CDC20B: variants seen among roughly 807,000 people sequenced by gnomAD.
The protein encoded by CDC20B is cell division cycle protein 20 homolog B.
A neutral mutation model predicts 64.1 loss-of-function variants in CDC20B; 58 were observed. The observed-to-expected ratio is 0.90, with a 90% CI of 0.73 to 1.13. CDC20B has a LOEUF of 1.13. Ranked by LOEUF, CDC20B falls within the 50% of genes most tolerant of loss-of-function variation. The probability of loss-of-function intolerance (pLI) is 0.00; values close to 1 mark genes in which losing one functional copy is unlikely to be tolerated. For missense variants in CDC20B, 597 were observed against 633.0 expected (o/e 0.94, Z 0.61); for synonymous variants, 243 against 230.6 (o/e 1.05, Z -0.49).
rs546572830 is a variant in CDC20B, at chr5:55,161,639, A to G, written c.126+10949T>C. On this transcript the variant is annotated intron_variant, in intron 2 of 11. Transcript: ENST00000381375. Reference sequence around the variant, plus strand: ...GCTCTCATGAATAGTGCTGGGCATTATTAGTTAACATATGTTTGTGGCTAA... The same window carrying G: ...GCTCTCATGAATAGTGCTGGGCATTGTTAGTTAACATATGTTTGTGGCTAA... 1.7e-4 allele frequency among the ~76,000 whole-genome samples: 26 copies of G among 152,352 alleles called. No individual in the cohort carries two copies. In the East Asian group the frequency reaches 4.8e-3, roughly 28 times the overall value.
chr5:55,171,180 G>A (rs1224957478), intron 2 of CDC20B, among the ~76,000 whole-genome samples: 3 of 152,136 alleles, frequency 2.0e-5, no homozygotes, highest in Non-Finnish European at 4.4e-5. Flanking sequence ...CCAGCGTGGT[G>A]GTGCTGCCTG....
Position 55,119,852 on chromosome 5 carries a change from C to G in CDC20B, c.1408G>C (p.Asp470His), listed in dbSNP as rs1389341631. The G allele has an allele frequency of 2.5e-6, 4 of 1,613,922 alleles. No individual in the cohort carries two copies. In the Admixed American group the frequency reaches 6.7e-5, roughly 27 times the overall value. ...GTGGGACAGGTCCACACAGTCACAT[C>G]ATTCTTGGGAGTACCTTGACCAGTT... ...IATGQGTPKNDVTVWTCPTVS... is the reference protein window; with the variant it reads ...IATGQGTPKNHVTVWTCPTVS... The change falls in exon 11 of 12, where the codon GAT becomes CAT. Residue 470 changes from aspartate (D) to histidine (H), a missense_variant. Transcript: ENST00000381375.
intron 7 of CDC20B, among the ~76,000 whole-genome samples, chr5:55,128,051 A>G (rs1742937736): frequency 6.6e-6 from 1 of 152,190 alleles, no homozygotes; most frequent in Admixed American, 6.5e-5. Flanking sequence ...TCAGAAAAAA[A>G]AATTCACTCA....
chr5:55,166,479 G>C (rs1430621564), intron 2 of CDC20B: 1 of 152,206 alleles, frequency 6.6e-6, no homozygotes, highest in Non-Finnish European at 1.5e-5. Context: ...TGCCTTGAAA[G>C]AAAGGACATT....
Position 55,143,614 on chromosome 5 carries a change from T to C in CDC20B, c.385A>G (p.Ser129Gly), listed in dbSNP as rs1162634769. 6.2e-7 allele frequency: 1 copy of C among 1,607,508 alleles called. No homozygotes were observed. The highest frequency in any genetic ancestry group is 2.2e-5 in the East Asian group (1 of 44,750). ...TTACTTGTTTCAGAAATTCCTTTGC[T>C]GGGGGTCTTCAGTTGTTCTTTGCGG... The part of the protein sequence containing the change: ...GSRKEQLKTP[S>G]KGISETSNSA... The change falls in exon 4 of 12, where the codon AGC becomes GGC. Residue 129 changes from serine (S) to glycine (G), a missense_variant. By Grantham distance (56) the Ser-to-Gly change is moderately conservative (BLOSUM62 0). Coordinates refer to ENST00000381375, the MANE Select transcript of CDC20B (RefSeq NM_001170402.1).
In CDC20B at chr5:55,114,025, A is replaced by T; in HGVS notation, c.*193T>A. ...GAGGGGCAGAAAGAAGAAAGCAGAG[A>T]AGAAAAGAAGCGGATCTCTGGGAAG... On this transcript the variant is annotated 3_prime_UTR_variant, in exon 12 of 12. Coordinates refer to ENST00000381375, the MANE Select transcript of CDC20B (RefSeq NM_001170402.1). The surrounding 1 kb of genome is among the most constrained non-coding windows in gnomAD (Gnocchi z 4.1). The T allele has an allele frequency of 2.0e-6, 2 of 984,364 alleles. No homozygotes were observed. The highest frequency in any genetic ancestry group is 2.8e-6 in the Non-Finnish European group (2 of 708,802). The allele number at this position is 984,364 out of a possible 1,614,324, so 61.0% of individuals were successfully genotyped here.
chr5:55,153,033 G>A (rs1002751239), intron 2 of CDC20B, among the ~76,000 whole-genome samples: 3 of 152,022 alleles, frequency 2.0e-5, no homozygotes, highest in Admixed American at 2.0e-4. Context: ...GAGCTCAGGA[G>A]TTCAAGACCA....
intron 5 of CDC20B, 30 bp from the exon 6 acceptor site, chr5:55,133,558 C>A (rs773515483): frequency 2.5e-5 from 23 of 916,028 alleles, no homozygotes; most frequent in Non-Finnish European, 3.1e-5. Flanking sequence ...CTACACAGCT[C>A]TAAGATCCTG....
intron 5 of CDC20B, among the ~76,000 whole-genome samples, chr5:55,135,217 A>T (rs1449103762): frequency 6.6e-6 from 1 of 151,260 alleles, no homozygotes; most frequent in East Asian, 1.9e-4. Context: ...AATAAAGTGT[A>T]TGTGTGTGTG....
intron 2 of CDC20B, chr5:55,163,917 T>G: frequency 3.6e-6 from 2 of 548,810 alleles, no homozygotes; most frequent in Non-Finnish European, 5.9e-6. Context: ...TTTCACTTCG[T>G]TTGGGTGTTT....
intron 2 of CDC20B, chr5:55,164,025 G>C: frequency 1.4e-6 from 2 of 1,470,844 alleles, no homozygotes; most frequent in African/African-American, 1.4e-5. Context: ...ATAAAATTAT[G>C]CTCATGAAAA....
At chr5:55,125,102 T>A in intron 8 of CDC20B, 74 bp from the exon 9 acceptor site, 1 of 1,273,672 alleles carries the variant, frequency 7.9e-7, no homozygotes, top group South Asian at 1.3e-5. Flanking sequence ...GAAAGCATAG[T>A]TCAAAGTAAA....
chr5:55,155,613 T>C lies in CDC20B; in HGVS notation c.127-8757A>G, dbSNP rs186432082. Among the ~76,000 whole-genome samples, 580 of 152,312 alleles carry C rather than the reference T, an allele frequency of 3.8e-3. 4 individuals carry two copies. Among genetic ancestry groups the C allele is most frequent in the African/African-American group, 0.013 (558 of 41,546 alleles). On this transcript the variant is annotated intron_variant, in intron 2 of 11. Coordinates refer to ENST00000381375, the MANE Select transcript of CDC20B (RefSeq NM_001170402.1). The stretch of plus-strand genomic sequence containing the variant: ...GACCAAAATGTTCATCGTCTCATGT[T>C]TGAACTTTCAACGCCCTCCCATCCT...
At chr5:55,163,563 G>A (rs1744206543) in intron 2 of CDC20B, among the ~76,000 whole-genome samples, 1 of 151,932 alleles carries the variant, frequency 6.6e-6, no homozygotes, top group Admixed American at 6.6e-5. Flanking sequence ...CTGGAGGGCA[G>A]TGGTGTGGTC....
chr5:55,143,438 C>A, intron 4 of CDC20B, 75 bp downstream of exon 4: 1 of 1,429,522 alleles, frequency 7.0e-7, no homozygotes, highest in South Asian at 1.6e-5. Context: ...CTAAGCAACT[C>A]TTCCCTTACA....
intron 3 of CDC20B, 101 bp downstream of exon 3, chr5:55,146,527 C>G (rs965949253): frequency 1.3e-6 from 1 of 767,678 alleles, no homozygotes; most frequent in African/African-American, 1.8e-5. Context: ...AAAGAGTTGA[C>G]TCAAAGTGAC....
chr5:55,129,254 A>C (rs985109564), intron 6 of CDC20B, among the ~76,000 whole-genome samples: 2 of 152,188 alleles, frequency 1.3e-5, no homozygotes, highest in Non-Finnish European at 2.9e-5. Flanking sequence ...AAACCCCTAC[A>C]ATACATTCCG....
At chr5:55,117,156 T>A (rs529805572) in intron 11 of CDC20B, among the ~76,000 whole-genome samples, 2 of 152,340 alleles carry the variant, frequency 1.3e-5, no homozygotes, top group Non-Finnish European at 2.9e-5. Flanking sequence ...CCTACTCCTA[T>A]TTTAAAGCTT....
intron 2 of CDC20B, chr5:55,161,388 G>A: frequency 1.2e-6 from 1 of 850,188 alleles, no homozygotes; most frequent in East Asian, 2.5e-5. Flanking sequence ...CAAAGAGCCA[G>A]AATCTCATCC....
Sources: gnomAD v4.1 joint callset for allele counts (sites outside exome capture counted in the v4.1 genomes callset) on GRCh38, gnomAD v4.1.1 for gene constraint, Gnocchi (gnomAD v3.1) non-coding constraint, MANE v1.5 for transcripts, NCBI Gene and HGNC (gene_info 2026-07-23, HGNC 2026-07-21) for gene names.